SEC14L4: variants seen among roughly 807,000 people sequenced by gnomAD.
SEC14L4 encodes SEC14-like protein 4.
A neutral mutation model predicts 55.1 loss-of-function variants in SEC14L4; 42 were observed. The observed-to-expected ratio is 0.76, with a 90% CI of 0.60 to 0.99. The LOEUF is 0.99. SEC14L4 is among the 50% of genes least tolerant of loss of function. The pLI, the probability that SEC14L4 is intolerant of heterozygous loss-of-function variation, is 0.00. For synonymous variants in SEC14L4, 206 were observed against 206.8 expected, an observed-to-expected ratio of 1.00 and a Z score of 0.03; for missense variants, 445 against 512.1, an observed-to-expected ratio of 0.87 and a Z score of 1.27.
At chr22:30,494,494 A>C (rs1000457619) in intron 6 of SEC14L4, among the ~76,000 whole-genome samples, 1 of 152,146 alleles carries the variant, frequency 6.6e-6, no homozygotes, top group South Asian at 2.1e-4. Context: ...CAGCCACCCA[A>C]GTATCTAGGA....
chr22:30,492,208 G>A, intron 8 of SEC14L4, 53 bp from the exon 9 acceptor site: 1 of 1,566,956 alleles, frequency 6.4e-7, no homozygotes, highest in Non-Finnish European at 8.7e-7. Context: ...CTCAACAGAG[G>A]GCAGAGGGGG....
At chr22:30,504,767 C>G (rs189811244) in intron 1 of SEC14L4, among the ~76,000 whole-genome samples, 226 of 152,266 alleles carry the variant, frequency 1.5e-3, no homozygotes, top group African/African-American at 5.3e-3. Context: ...TGGGGACCAA[C>G]AGAGCTGAAG....
chr22:30,496,808 T>A (rs2146185451), intron 2 of SEC14L4, among the ~76,000 whole-genome samples: 1 of 152,238 alleles, frequency 6.6e-6, no homozygotes, highest in Middle Eastern at 3.4e-3. Flanking sequence ...TCACAGTAGG[T>A]TCTCAATAAA....
chr22:30,503,814 G>A (rs754443996), intron 1 of SEC14L4, 62 bp from the exon 2 acceptor site: 37 of 1,305,346 alleles, frequency 2.8e-5, no homozygotes, highest in Admixed American at 1.4e-4. Context: ...CACCAACCCC[G>A]CCCCTAACCC....
At chr22:30,495,790 T>A (rs1234631871) in intron 3 of SEC14L4, 138 bp downstream of exon 3, 1 of 1,596,288 alleles carries the variant, frequency 6.3e-7, no homozygotes, top group Non-Finnish European at 8.5e-7. Flanking sequence ...GGGACTTGGG[T>A]CTGATGCAGA....
intron 11 of SEC14L4, 111 bp from the exon 12 acceptor site, chr22:30,490,357 A>G: frequency 6.5e-7 from 1 of 1,533,494 alleles, no homozygotes; most frequent in South Asian, 1.2e-5. Context: ...GCATCCCTGG[A>G]ACGTCCTGCA....
intron 2 of SEC14L4, among the ~76,000 whole-genome samples, chr22:30,499,799 C>G (rs1361899167): frequency 1.3e-5 from 2 of 151,686 alleles, no homozygotes; most frequent in Non-Finnish European, 2.9e-5. Context: ...TGAAATCAAA[C>G]TTACTCAAAC....
chr22:30,495,562 G>A (rs1217177857), intron 4 of SEC14L4, 21 bp downstream of exon 4: 2 of 1,613,786 alleles, frequency 1.2e-6, no homozygotes, highest in Non-Finnish European at 1.7e-6. Flanking sequence ...GATGGCCTGG[G>A]GGATGCTGCT....
At chr22:30,497,331 C>T (rs1162136602) in intron 2 of SEC14L4, among the ~76,000 whole-genome samples, 1 of 151,608 alleles carries the variant, frequency 6.6e-6, no homozygotes, top group Non-Finnish European at 1.5e-5. Context: ...AACAGCAAGA[C>T]TTCATCTCAA....
chr22:30,497,677 T>G (rs978874956), intron 2 of SEC14L4, among the ~76,000 whole-genome samples: 1 of 152,166 alleles, frequency 6.6e-6, no homozygotes, highest in Non-Finnish European at 1.5e-5. Flanking sequence ...TCCAGCCCCA[T>G]CATCAGAGGT....
chr22:30,502,804 G>A (rs964361457), intron 2 of SEC14L4, among the ~76,000 whole-genome samples: 2 of 152,186 alleles, frequency 1.3e-5, no homozygotes, highest in Admixed American at 1.3e-4. Context: ...GCCTGCCTCA[G>A]CCTCCCAAAG....
intron 11 of SEC14L4, 101 bp from the exon 12 acceptor site, chr22:30,490,347 G>A (rs1935914377): frequency 9.6e-6 from 15 of 1,561,494 alleles, no homozygotes; most frequent in Middle Eastern, 1.7e-4. Flanking sequence ...GGAATGAGCT[G>A]CATCCCTGGA....
At position 30,489,613 on chromosome 22, in the gene SEC14L4, C is replaced by T; in HGVS notation, c.*494G>A. ...CCAGTGCTCTGCTGGAACCAGGACC[C>T]TCACCCAGCTGCCTCCAGCTGGGCC... On this transcript the variant is annotated 3_prime_UTR_variant, in exon 12 of 12. Transcript: ENST00000255858. 3.4e-6 allele frequency: 2 copies of T among 584,046 alleles called. No homozygotes were observed. The highest frequency in any genetic ancestry group is 4.2e-5 in the South Asian group (2 of 48,130). 36.2% of individuals were successfully genotyped at this position (584,046 alleles called of 1,614,324 possible).
Position 30,494,164 on chromosome 22 carries a change from A to C in SEC14L4, c.566T>G (p.Leu189Ter), listed in dbSNP as rs1474861265. Residue 189 changes from leucine (L) to a stop codon, truncating the protein, a stop_gained, in exon 7 of 12, where the codon TTA (leucine) becomes TGA (stop). Coordinates refer to ENST00000255858, the MANE Select transcript of SEC14L4 (RefSeq NM_174977.4). LOFTEE classifies it high-confidence loss of function. ...CATGGGCTTACCTCGAATAACAATT[A>C]AATTCTTCAGGGTCTCAGGATAATT... ...EANYPETLKNLIVIRAPKLFP... is the reference protein window; with the variant it reads ...EANYPETLKN 6.2e-7 allele frequency: 1 copy of C among 1,613,454 alleles called. No homozygotes were observed. The highest frequency in any genetic ancestry group is 8.5e-7 in the Non-Finnish European group (1 of 1,179,492).
At chr22:30,494,095 T>C (rs1238871547) in intron 7 of SEC14L4, 55 bp downstream of exon 7, 4 of 1,311,882 alleles carry the variant, frequency 3.0e-6, no homozygotes, top group Admixed American at 1.7e-5. Context: ...TTACCTACTG[T>C]ACCCCCAATT....
At chr22:30,499,313 C>T (rs1936247723) in intron 2 of SEC14L4, among the ~76,000 whole-genome samples, 1 of 150,906 alleles carries the variant, frequency 6.6e-6, no homozygotes, top group Admixed American at 6.6e-5. Flanking sequence ...GAACTCCTGA[C>T]CTCAGGTGAT....
At chr22:30,492,183 A>G (rs1336743356) in intron 8 of SEC14L4, 28 bp from the exon 9 acceptor site, 1 of 1,588,764 alleles carries the variant, frequency 6.3e-7, no homozygotes, top group Non-Finnish European at 8.6e-7. Flanking sequence ...AGGGACTCCA[A>G]AGGGACTCAG....
chr22:30,495,489 G>C, intron 4 of SEC14L4, 47 bp from the exon 5 acceptor site: 5 of 1,609,118 alleles, frequency 3.1e-6, no homozygotes, highest in Non-Finnish European at 4.3e-6. Flanking sequence ...CACCAGGCTG[G>C]GTCCCTACTC....
At chr22:30,490,684 A>G (rs1328399959) in intron 11 of SEC14L4, among the ~76,000 whole-genome samples, 1 of 152,160 alleles carries the variant, frequency 6.6e-6, no homozygotes, top group African/African-American at 2.4e-5. Context: ...ATCACACATT[A>G]TAGCCCCTGA....
Sources: gnomAD v4.1 joint callset for allele counts (sites outside exome capture counted in the v4.1 genomes callset) on GRCh38, gnomAD v4.1.1 for gene constraint, MANE v1.5 for transcripts, NCBI Gene and HGNC (gene_info 2026-07-23, HGNC 2026-07-21) for gene names.